The following EPHB1 variants were observed in gnomAD, a reference collection of about 807,000 sequenced individuals.
EPHB1 encodes the protein EPH receptor B1, also known as ephrin type-B receptor 1.
A neutral mutation model predicts 94.4 loss-of-function variants in EPHB1; 30 were observed. That is an observed-to-expected ratio of 0.32 (90% confidence interval 0.24 to 0.43). The LOEUF (loss-of-function observed/expected upper bound fraction) is 0.43. EPHB1 is among the 20% of genes least tolerant of loss of function. EPHB1 has a pLI of 1.00. For missense variants in EPHB1, 1,055 were observed against 1,308.3 expected (o/e 0.81, Z 2.99); for synonymous variants, 522 against 489.1 (o/e 1.07, Z -0.89).
chr3:135,117,000 G>A (rs1411809211), intron 4 of EPHB1, among the ~76,000 whole-genome samples: 2 of 152,214 alleles, frequency 1.3e-5, no homozygotes, highest in Non-Finnish European at 2.9e-5. Flanking sequence ...GTGTGACAAA[G>A]ACCAGGGATC....
chr3:134,940,226 T>C (rs1430585650), intron 2 of EPHB1, among the ~76,000 whole-genome samples: 1 of 152,192 alleles, frequency 6.6e-6, no homozygotes, highest in East Asian at 1.9e-4. Context: ...AGGTGGATCC[T>C]GAGGTTAACA....
intron 1 of EPHB1, among the ~76,000 whole-genome samples, chr3:134,827,778 A>AT (rs2036510785): frequency 6.6e-6 from 1 of 152,088 alleles, no homozygotes; most frequent in Non-Finnish European, 1.5e-5. Flanking sequence ...GAGGGGTGAA[A>AT]TTGCAAATCA....
intron 3 of EPHB1, among the ~76,000 whole-genome samples, chr3:134,994,336 C>T (rs1264853537): frequency 6.6e-6 from 1 of 152,210 alleles, no homozygotes; most frequent in East Asian, 1.9e-4. Flanking sequence ...CATCCCCTCT[C>T]CCTGTCTGCA....
chr3:135,055,453 A>G (rs1168268109), intron 3 of EPHB1, among the ~76,000 whole-genome samples: 2 of 152,014 alleles, frequency 1.3e-5, no homozygotes, highest in Admixed American at 6.6e-5. Context: ...CATGATCCCC[A>G]TTTTTTCAGA....
At position 134,969,590 on chromosome 3, in the gene EPHB1, T is replaced by G. The variant is rs1933893203; in HGVS notation, c.805+17538T>G. ...CTCAGCCAGCTCTGCTTGGGCTTCT[T>G]TTCTGTGAATTATTATAAGTGTTAA... On this transcript the variant is annotated intron_variant, in intron 3 of 15. Coordinates refer to ENST00000398015, the MANE Select transcript of EPHB1 (RefSeq NM_004441.5). Among the ~76,000 whole-genome samples the G allele has an allele frequency of 2.0e-5, 3 of 152,186 alleles. No homozygotes were observed. The South Asian group carries it at 6.2e-4, about 32-fold the overall frequency.
chr3:135,098,206 T>G (rs73862004), intron 3 of EPHB1, among the ~76,000 whole-genome samples: 4,819 of 152,336 alleles, frequency 0.032, 172 homozygotes, highest in African/African-American at 0.088. Flanking sequence ...GATTTTTAAA[T>G]GTACTGGATG....
At chr3:135,193,465 A>G (rs942568632) in intron 11 of EPHB1, among the ~76,000 whole-genome samples, 1 of 152,220 alleles carries the variant, frequency 6.6e-6, no homozygotes, top group Non-Finnish European at 1.5e-5. Flanking sequence ...CCCACAATGA[A>G]ACCATTTTCA....
chr3:134,922,735 A>G (rs1455218754), intron 1 of EPHB1, among the ~76,000 whole-genome samples: 11 of 152,092 alleles, frequency 7.2e-5, no homozygotes, highest in Non-Finnish European at 2.9e-5. Context: ...TTTATGAGTG[A>G]GGATCCCACT....
chr3:134,868,733 G>A (rs577280353), intron 1 of EPHB1, among the ~76,000 whole-genome samples: 3 of 152,370 alleles, frequency 2.0e-5, no homozygotes, highest in Admixed American at 6.5e-5. Context: ...CTGGCTTCAA[G>A]TTGTGCACCA....
chr3:134,848,607 A>C (rs1358004421), intron 1 of EPHB1, among the ~76,000 whole-genome samples: 2 of 152,206 alleles, frequency 1.3e-5, no homozygotes, highest in African/African-American at 4.8e-5. Context: ...TTAAAATAGA[A>C]ATAACTTTTT....
chr3:135,033,409 G>GA (rs1936548190), intron 3 of EPHB1, among the ~76,000 whole-genome samples: 1 of 152,170 alleles, frequency 6.6e-6, no homozygotes, highest in African/African-American at 2.4e-5. Flanking sequence ...ACACCTGTAG[G>GA]AAACACATAG....
chr3:135,107,820 C>T (rs564997554), intron 4 of EPHB1, among the ~76,000 whole-genome samples: 1 of 152,206 alleles, frequency 6.6e-6, no homozygotes, highest in East Asian at 1.9e-4. Context: ...AAAGCTCATC[C>T]TGTTGTAAAC....
intron 3 of EPHB1, among the ~76,000 whole-genome samples, chr3:135,074,995 GT>G (rs1255692438): frequency 6.6e-6 from 1 of 152,162 alleles, no homozygotes; most frequent in Non-Finnish European, 1.5e-5. Context: ...TGCCTGTGTG[GT>G]TTTTCTTTAA....
At chr3:134,835,071 G>GTCTC (rs2036648632) in intron 1 of EPHB1, among the ~76,000 whole-genome samples, 1 of 152,230 alleles carries the variant, frequency 6.6e-6, no homozygotes, top group African/African-American at 2.4e-5. Flanking sequence ...TGGGTTGGCA[G>GTCTC]TCTCTCTTTC....
intron 2 of EPHB1, among the ~76,000 whole-genome samples, chr3:134,936,966 T>C (rs1254007023): frequency 6.6e-6 from 1 of 152,202 alleles, no homozygotes; most frequent in East Asian, 1.9e-4. Context: ...CAGACTGATG[T>C]CTGCCATTTG....
intron 3 of EPHB1, among the ~76,000 whole-genome samples, chr3:135,047,647 G>A (rs187755452): frequency 1.3e-5 from 2 of 152,238 alleles, no homozygotes; most frequent in African/African-American, 2.4e-5. Flanking sequence ...CATCTACTCC[G>A]TTTATTCATT....
rs2107709990 is a variant in EPHB1, at chr3:135,192,674, C to A, written c.1981C>A (p.Gln661Lys). 1.2e-6 allele frequency: 2 copies of A among 1,614,170 alleles called. No individual in the cohort carries two copies. Among genetic ancestry groups the A allele is most frequent in the Non-Finnish European group, 1.7e-6 (2 of 1,180,042 alleles). ...KTLKAGYSEKQRRDFLSEASI... is the reference protein window; with the variant it reads ...KTLKAGYSEKKRRDFLSEASI... ...CCTGAAGGCAGGGTACTCGGAGAAG[C>A]AGCGTCGGGACTTTCTGAGTGAGGC... is the stretch of plus-strand genomic sequence containing the variant. The change falls in exon 11 of 16, where the codon CAG (glutamine) becomes AAG (lysine). Residue 661 changes from glutamine (Q) to lysine (K), a missense_variant. Coordinates refer to ENST00000398015, the MANE Select transcript of EPHB1 (RefSeq NM_004441.5).
At chr3:135,179,560 C>T (rs1942094316) in intron 9 of EPHB1, among the ~76,000 whole-genome samples, 1 of 152,184 alleles carries the variant, frequency 6.6e-6, no homozygotes, top group Admixed American at 6.5e-5. Context: ...TCTGTGAGCA[C>T]CCGGTGTGGG....
intron 3 of EPHB1, among the ~76,000 whole-genome samples, chr3:135,079,979 G>GTGTGACAGTGCATCTCTGT (rs1938105784): frequency 6.6e-6 from 1 of 152,156 alleles, no homozygotes; most frequent in African/African-American, 2.4e-5. Flanking sequence ...GGACGAAGAG[G>GTGTGACAGTGCATCTCTGT]TGTGACAGTG....
Sources: gnomAD v4.1 joint callset for allele counts (sites outside exome capture counted in the v4.1 genomes callset) on GRCh38, gnomAD v4.1.1 for gene constraint, MANE v1.5 for transcripts, NCBI Gene and HGNC (gene_info 2026-07-23, HGNC 2026-07-21) for gene names.